The following PSD3 variants were observed in gnomAD, a reference collection of about 807,000 sequenced individuals.
PSD3 encodes pleckstrin and Sec7 domain containing 3.
Under a neutral mutation model 105.5 loss-of-function variants are expected in PSD3, and 49 were observed. The ratio of observed to expected loss-of-function variants is 0.46; its 90% confidence interval spans 0.37 to 0.59. The LOEUF is 0.59. Among genes scored for constraint, PSD3 ranks in the 20% least tolerant of loss-of-function variants. The pLI, the probability that PSD3 is intolerant of heterozygous loss-of-function variation, is 0.00. For missense variants in PSD3, 1,561 were observed against 1,263.8 expected (o/e 1.24, Z -3.57); for synonymous variants, 557 against 457.8 (o/e 1.22, Z -2.77).
intron 4 of PSD3, among the ~76,000 whole-genome samples, chr8:18,818,237 G>T (rs1051612967): frequency 6.6e-6 from 1 of 152,162 alleles, no homozygotes; most frequent in African/African-American, 2.4e-5. Flanking sequence ...TTACAGACGT[G>T]AGCCACCGTG....
intron 9 of PSD3, among the ~76,000 whole-genome samples, chr8:18,749,848 C>A (rs1157018621): frequency 1.3e-5 from 2 of 152,126 alleles, no homozygotes; most frequent in African/African-American, 2.4e-5. Context: ...CAACAACCAA[C>A]AAGAAAAGGG....
chr8:18,610,025 T>C (rs1433528599), intron 11 of PSD3, among the ~76,000 whole-genome samples: 1 of 152,202 alleles, frequency 6.6e-6, no homozygotes, highest in African/African-American at 2.4e-5. Flanking sequence ...AACAGTACTA[T>C]TACTACTATA....
intron 4 of PSD3, among the ~76,000 whole-genome samples, chr8:18,857,521 A>C (rs918727245): frequency 1.1e-4 from 16 of 152,280 alleles, no homozygotes; most frequent in Admixed American, 2.6e-4. Flanking sequence ...AACAAATAGA[A>C]TCTCTGACGG....
intron 1 of PSD3, among the ~76,000 whole-genome samples, chr8:19,043,042 A>C (rs1828179618): frequency 6.6e-6 from 1 of 152,170 alleles, no homozygotes; most frequent in Non-Finnish European, 1.5e-5. Flanking sequence ...TTATCCATAA[A>C]CTACTTTGAC....
chr8:18,860,528 CT>C (rs1331477586), intron 4 of PSD3, among the ~76,000 whole-genome samples: 1 of 151,764 alleles, frequency 6.6e-6, no homozygotes. Context: ...TTGCCTGTAG[CT>C]CTGTATTTCA....
At chr8:18,790,047 A>C (rs115128490) in intron 8 of PSD3, among the ~76,000 whole-genome samples, 320 of 152,242 alleles carry the variant, frequency 2.1e-3, no homozygotes, top group African/African-American at 7.3e-3. Context: ...AAAAAGCAAA[A>C]CTACCAAAAG....
chr8:18,882,182 G>A (rs567961241), intron 2 of PSD3, among the ~76,000 whole-genome samples: 113 of 151,974 alleles, frequency 7.4e-4, no homozygotes, highest in African/African-American at 2.4e-3. Context: ...CCCTCTAGCC[G>A]GGACAACACA....
intron 9 of PSD3, among the ~76,000 whole-genome samples, chr8:18,722,396 C>G (rs1218405005): frequency 6.6e-6 from 1 of 152,134 alleles, no homozygotes; most frequent in Non-Finnish European, 1.5e-5. Flanking sequence ...CTTATATGTT[C>G]TGTTTCCAGT....
chr8:18,997,646 G>C (rs1476721780), intron 1 of PSD3, among the ~76,000 whole-genome samples: 1 of 152,008 alleles, frequency 6.6e-6, no homozygotes, highest in Non-Finnish European at 1.5e-5. Context: ...ACAGGACCTG[G>C]CGACGGTGTC....
chr8:18,868,035 C>G lies in PSD3; in HGVS notation c.1273G>C (p.Asp425His), dbSNP rs1817079585. Residue 425 changes from aspartate (D) to histidine (H), a missense_variant, in exon 4 of 16, where the codon GAT becomes CAT. By Grantham distance (81) the Asp-to-His change is moderately conservative. Transcript: ENST00000327040. ...SEQEEHVKGE[D>H]EDILGPGYTE... The stretch of plus-strand genomic sequence containing the variant: ...TATCCAGGCCCAAGGATGTCTTCAT[C>G]TTCCCCCTTAACGTGCTCCTCTTGT... 1.2e-6 allele frequency: 2 copies of G among 1,612,906 alleles called. No individual in the cohort carries two copies. The highest frequency in any genetic ancestry group is 2.7e-5 in the African/African-American group (2 of 74,896).
chr8:18,853,795 C>A (rs939439455), intron 4 of PSD3, among the ~76,000 whole-genome samples: 1 of 152,152 alleles, frequency 6.6e-6, no homozygotes, highest in African/African-American at 2.4e-5. Flanking sequence ...AGCTGGAGTT[C>A]ACATGCAGTC....
rs1799747270 is a variant in PSD3, at chr8:18,534,348, G to T, written c.*1395C>A. 6.6e-6 allele frequency: 1 copy of T among 152,496 alleles called. No individual in the cohort carries two copies. The highest frequency in any genetic ancestry group is 1.5e-5 in the Non-Finnish European group (1 of 68,004). 9.4% of individuals were successfully genotyped at this position (152,496 alleles called of 1,614,324 possible). On this transcript the variant is annotated 3_prime_UTR_variant, in exon 16 of 16. Coordinates refer to ENST00000327040, the MANE Select transcript of PSD3 (RefSeq NM_015310.4). ...AATCACAAAGCTCTAGGTCTCAGTG[G>T]GCTAAACTTTCACTCCTTTCTCTTC...
intron 11 of PSD3, among the ~76,000 whole-genome samples, chr8:18,606,101 C>T (rs1043704865): frequency 1.3e-5 from 2 of 152,192 alleles, no homozygotes; most frequent in African/African-American, 4.8e-5. Context: ...TTTACACAGA[C>T]TGCTGTTCTT....
At chr8:18,797,070 G>T (rs1232206808) in intron 8 of PSD3, among the ~76,000 whole-genome samples, 2 of 152,010 alleles carry the variant, frequency 1.3e-5, no homozygotes, top group Non-Finnish European at 2.9e-5. Flanking sequence ...CCACCTAGAA[G>T]AATAATTTAT....
intron 8 of PSD3, 22 bp downstream of exon 8, chr8:18,799,273 A>C (rs777348813): frequency 5.1e-6 from 8 of 1,577,434 alleles, no homozygotes; most frequent in Non-Finnish European, 6.1e-6. Flanking sequence ...TTTGGATCTA[A>C]GTTTCACAAA....
intron 11 of PSD3, among the ~76,000 whole-genome samples, chr8:18,614,663 A>T (rs1176073974): frequency 6.6e-6 from 1 of 152,142 alleles, no homozygotes; most frequent in African/African-American, 2.4e-5. Flanking sequence ...GACATTTCAT[A>T]TACATATTTT....
Position 18,891,186 on chromosome 8 carries a change from G to A in PSD3, c.131-18453C>T, listed in dbSNP as rs185661088. ...AAATATAAGGCAACTCTAAGTAACT[G>A]TTAGGTACTCTATAAATTCCAATGG... On this transcript the variant is annotated intron_variant, in intron 2 of 15. Transcript: ENST00000327040. Among the ~76,000 whole-genome samples, 10 of 152,244 alleles carry A rather than the reference G, an allele frequency of 6.6e-5. No homozygotes were observed. In the East Asian group the frequency reaches 1.7e-3, roughly 26 times the overall value.
chr8:18,639,643 G>A (rs1175838101), intron 10 of PSD3, among the ~76,000 whole-genome samples: 1 of 152,124 alleles, frequency 6.6e-6, no homozygotes, highest in African/African-American at 2.4e-5. Context: ...TAGGAGAGAG[G>A]CATGGAGGAG....
chr8:19,067,149 C>A (rs1212569314), intron 1 of PSD3, among the ~76,000 whole-genome samples: 1 of 152,196 alleles, frequency 6.6e-6, no homozygotes, highest in Admixed American at 6.5e-5. Context: ...TTTGCGGGAA[C>A]TGTAAACTGA....
Sources: gnomAD v4.1 joint callset for allele counts (sites outside exome capture counted in the v4.1 genomes callset) on GRCh38, gnomAD v4.1.1 for gene constraint, MANE v1.5 for transcripts, NCBI Gene and HGNC (gene_info 2026-07-23, HGNC 2026-07-21) for gene names.